WDR70: variants seen among roughly 807,000 people sequenced by gnomAD.
The protein encoded by WDR70 is WD repeat-containing protein 70.
In WDR70, 53 loss-of-function variants were observed where a neutral mutation model predicts 88.6. The ratio of observed to expected loss-of-function variants is 0.60; its 90% CI spans 0.48 to 0.75. The LOEUF (loss-of-function observed/expected upper bound fraction) is 0.75. WDR70 is among the 30% of genes least tolerant of loss of function. WDR70 has a pLI of 0.00. For synonymous variants in WDR70, 280 were observed against 270.0 expected (o/e 1.04, Z -0.36); for missense variants, 610 against 823.2 (o/e 0.74, Z 3.17).
chr5:37,489,861 T>G (rs1222367903), intron 8 of WDR70, among the ~76,000 whole-genome samples: 1 of 151,934 alleles, frequency 6.6e-6, no homozygotes, highest in Non-Finnish European at 1.5e-5. Context: ...TAGTTACATA[T>G]GTATACATGT....
chr5:37,630,535 T>A (rs1744782823), intron 10 of WDR70, among the ~76,000 whole-genome samples: 2 of 152,128 alleles, frequency 1.3e-5, no homozygotes. Flanking sequence ...CTCTCCCACC[T>A]GGCAGAGGGC....
At chr5:37,516,636 AT>A in intron 9 of WDR70, 46 bp downstream of exon 9, 1 of 1,345,864 alleles carries the variant, frequency 7.4e-7, no homozygotes, top group Non-Finnish European at 1.0e-6. Flanking sequence ...ATCTTTAGGT[AT>A]TTTATTTAAC....
At chr5:37,473,132 A>G (rs1049348530) in intron 7 of WDR70, among the ~76,000 whole-genome samples, 2 of 151,240 alleles carry the variant, frequency 1.3e-5, no homozygotes, top group African/African-American at 4.9e-5. Flanking sequence ...TTCATAAATG[A>G]TTAATGATGT....
chr5:37,451,401 T>C (rs1346591967), intron 7 of WDR70, among the ~76,000 whole-genome samples: 1 of 152,192 alleles, frequency 6.6e-6, no homozygotes, highest in Non-Finnish European at 1.5e-5. Flanking sequence ...TATCGTCCAG[T>C]ATGGTAGTCA....
At chr5:37,749,135 C>T (rs1228142106) in intron 17 of WDR70, among the ~76,000 whole-genome samples, 2 of 152,166 alleles carry the variant, frequency 1.3e-5, no homozygotes, top group African/African-American at 4.8e-5. Flanking sequence ...ATAAATCATC[C>T]TGCTCTAAAG....
chr5:37,740,888 C>G (rs1748453144), intron 17 of WDR70, among the ~76,000 whole-genome samples: 1 of 152,194 alleles, frequency 6.6e-6, no homozygotes, highest in South Asian at 2.1e-4. Context: ...ATGGAGCTCT[C>G]AAGAGGTACT....
intron 8 of WDR70, among the ~76,000 whole-genome samples, chr5:37,483,896 A>T (rs1398623123): frequency 3.8e-5 from 5 of 132,488 alleles, no homozygotes; most frequent in African/African-American, 1.5e-4. Context: ...CTGGGCAGAG[A>T]TGCTCCTCAC....
At chr5:37,581,066 T>C (rs1427236859) in intron 9 of WDR70, among the ~76,000 whole-genome samples, 5 of 152,162 alleles carry the variant, frequency 3.3e-5, no homozygotes, top group Admixed American at 6.5e-5. Context: ...TATGACAAAA[T>C]TGGAGACATA....
At chr5:37,560,435 C>G (rs1192264057) in intron 9 of WDR70, among the ~76,000 whole-genome samples, 1 of 152,156 alleles carries the variant, frequency 6.6e-6, no homozygotes, top group Non-Finnish European at 1.5e-5. Flanking sequence ...CCAGAACTCT[C>G]AGTTTAAAGT....
chr5:37,671,619 G>A (rs1469790681), intron 10 of WDR70, among the ~76,000 whole-genome samples: 1 of 152,008 alleles, frequency 6.6e-6, no homozygotes, highest in Non-Finnish European at 1.5e-5. Flanking sequence ...TCTTACCTTT[G>A]AAATAGTTTT....
chr5:37,724,884 A>G (rs539510919), intron 15 of WDR70, 50 bp from the exon 16 acceptor site: 1 of 1,492,258 alleles, frequency 6.7e-7, no homozygotes, highest in Admixed American at 1.7e-5. Flanking sequence ...ATGTTTTTGG[A>G]TGGGAAGGTT....
At chr5:37,570,139 C>T (rs910024435) in intron 9 of WDR70, among the ~76,000 whole-genome samples, 3 of 151,858 alleles carry the variant, frequency 2.0e-5, no homozygotes, top group Non-Finnish European at 4.4e-5. Context: ...TAGATTGGGG[C>T]ACTAGCAGTT....
At chr5:37,600,965 T>C (rs1302741197) in intron 9 of WDR70, among the ~76,000 whole-genome samples, 1 of 152,250 alleles carries the variant, frequency 6.6e-6, no homozygotes, top group Non-Finnish European at 1.5e-5. Flanking sequence ...GTTTTCTGTA[T>C]GTAAGATAAT....
chr5:37,547,611 C>T (rs1246303912), intron 9 of WDR70, among the ~76,000 whole-genome samples: 2 of 152,058 alleles, frequency 1.3e-5, no homozygotes, highest in African/African-American at 4.8e-5. Context: ...TATCTGTCAC[C>T]TCAAGCATTT....
At chr5:37,564,561 G>T (rs1426753652) in intron 9 of WDR70, among the ~76,000 whole-genome samples, 6 of 99,984 alleles carry the variant, frequency 6.0e-5, no homozygotes, top group African/African-American at 1.7e-4. Context: ...AGACCGTGGG[G>T]AGAGGGAGAG....
chr5:37,623,269 G>A (rs574246634), intron 10 of WDR70, among the ~76,000 whole-genome samples: 2 of 152,128 alleles, frequency 1.3e-5, no homozygotes, highest in South Asian at 4.1e-4. Flanking sequence ...CTATTAAAGG[G>A]GTTGTATATT....
In WDR70 at chr5:37,725,040, A is replaced by G. The variant is rs151126380; in HGVS notation, c.1704A>G (p.Val568=). The G allele has an allele frequency of 7.7e-5, 124 of 1,613,342 alleles. No individual in the cohort carries two copies. The Middle Eastern group carries it at 8.4e-4, about 11-fold the overall frequency. Residue 568 remains valine (V), a synonymous_variant, in exon 16 of 18, where the codon GTA becomes GTG. Transcript: ENST00000265107. ...AGTCGCATAAACCTGAACCTCCTGT[A>G]GCAGGCCCAGGTGACTGTGATCCAG... is the stretch of plus-strand genomic sequence containing the variant. ...PLKSHKPEPP[V]AGPGRGGRVG...
chr5:37,664,302 C>T (rs1314403421), intron 10 of WDR70, among the ~76,000 whole-genome samples: 1 of 152,242 alleles, frequency 6.6e-6, no homozygotes, highest in Non-Finnish European at 1.5e-5. Flanking sequence ...AAATTAAACT[C>T]CATAGAAGGG....
At chr5:37,733,373 C>A (rs1219441042) in intron 17 of WDR70, among the ~76,000 whole-genome samples, 1 of 152,020 alleles carries the variant, frequency 6.6e-6, no homozygotes, top group Non-Finnish European at 1.5e-5. Context: ...TTCCAAGGAT[C>A]GAAAGTGGAT....
Sources: gnomAD v4.1 joint callset for allele counts (sites outside exome capture counted in the v4.1 genomes callset) on GRCh38, gnomAD v4.1.1 for gene constraint, MANE v1.5 for transcripts, NCBI Gene and HGNC (gene_info 2026-07-23, HGNC 2026-07-21) for gene names.